NOS1AP: variants seen among roughly 807,000 people sequenced by gnomAD.
The protein encoded by NOS1AP is nitric oxide synthase 1 adaptor protein, also known as carboxyl-terminal PDZ ligand of neuronal nitric oxide synthase protein.
Under a neutral mutation model 56.2 loss-of-function variants are expected in NOS1AP, and 21 were observed. The observed-to-expected ratio is 0.37, with a 90% CI of 0.26 to 0.54. The LOEUF (loss-of-function observed/expected upper bound fraction) is 0.54. Among genes scored for constraint, NOS1AP ranks in the 20% least tolerant of loss-of-function variants. NOS1AP has a pLI of 0.84. For missense variants in NOS1AP, 522 were observed against 657.8 expected, an observed-to-expected ratio of 0.79 and a Z score of 2.26; for synonymous variants, 270 against 274.6, an observed-to-expected ratio of 0.98 and a Z score of 0.17.
chr1:162,101,210 T>C (rs1196895644), intron 1 of NOS1AP, among the ~76,000 whole-genome samples: 2 of 152,154 alleles, frequency 1.3e-5, no homozygotes, highest in Middle Eastern at 3.2e-3. Context: ...TCCCCATTGT[T>C]TGTTTTTGTC....
chr1:162,191,275 A>G (rs1651632067), intron 2 of NOS1AP, among the ~76,000 whole-genome samples: 1 of 151,982 alleles, frequency 6.6e-6, no homozygotes, highest in Non-Finnish European at 1.5e-5. Context: ...GACAGGCACT[A>G]CTCTGAGGAT....
intron 2 of NOS1AP, among the ~76,000 whole-genome samples, chr1:162,267,140 T>C (rs562612392): frequency 6.6e-6 from 1 of 152,228 alleles, no homozygotes; most frequent in Non-Finnish European, 1.5e-5. Context: ...AAGAGAACCA[T>C]GTATGGTAGG....
At chr1:162,337,519 C>A (rs917100204) in intron 5 of NOS1AP, among the ~76,000 whole-genome samples, 1 of 151,730 alleles carries the variant, frequency 6.6e-6, no homozygotes, top group Non-Finnish European at 1.5e-5. Context: ...AGTCAAAATG[C>A]AGGAATCATG....
chr1:162,292,583 T>G (rs1477524104), intron 3 of NOS1AP, among the ~76,000 whole-genome samples: 2 of 152,204 alleles, frequency 1.3e-5, no homozygotes, highest in Non-Finnish European at 2.9e-5. Flanking sequence ...AACCTTGTCT[T>G]ACTTAAATCC....
chr1:162,327,303 C>T (rs1398031158), intron 4 of NOS1AP, among the ~76,000 whole-genome samples: 1 of 152,124 alleles, frequency 6.6e-6, no homozygotes, highest in Admixed American at 6.5e-5. Flanking sequence ...TTCCTCACTA[C>T]CATGTGTCCA....
intron 1 of NOS1AP, among the ~76,000 whole-genome samples, chr1:162,102,053 C>T (rs567538842): frequency 6.6e-6 from 1 of 152,200 alleles, no homozygotes; most frequent in South Asian, 2.1e-4. Flanking sequence ...CTAGCTTTTG[C>T]CATTCAATAT....
At chr1:162,158,698 C>T (rs1202383115) in intron 2 of NOS1AP, among the ~76,000 whole-genome samples, 1 of 152,190 alleles carries the variant, frequency 6.6e-6, no homozygotes, top group Non-Finnish European at 1.5e-5. Flanking sequence ...CTGGTACTTT[C>T]CCCCTCTCTG....
Position 162,365,713 on chromosome 1 carries a change from C to T in NOS1AP, c.1105+144C>T, listed in dbSNP as rs574518010. On this transcript the variant is annotated intron_variant, in intron 9 of 9. Coordinates refer to ENST00000361897, the MANE Select transcript of NOS1AP (RefSeq NM_014697.3). ...GAAAACATAGGCAGCTTTGTTTTCC[C>T]ATTAGTATACTTAATGAATTACAGA... 1.9e-3 allele frequency: 1,792 copies of T among 965,814 alleles called. 3 individuals are homozygous for T. The highest frequency in any genetic ancestry group is 2.6e-3 in the Non-Finnish European group (1,625 of 631,012). The allele number at this position is 965,814 out of a possible 1,614,324, so 59.8% of individuals were successfully genotyped here.
intron 3 of NOS1AP, among the ~76,000 whole-genome samples, chr1:162,294,753 G>A (rs917112539): frequency 2.0e-5 from 3 of 152,168 alleles, no homozygotes; most frequent in African/African-American, 7.2e-5. Context: ...CTTAGCAGAC[G>A]CGGAGGGCAC....
chr1:162,216,545 C>T (rs1652573293), intron 2 of NOS1AP, among the ~76,000 whole-genome samples: 2 of 152,168 alleles, frequency 1.3e-5, no homozygotes, highest in Admixed American at 6.5e-5. Flanking sequence ...CTGCTATGTA[C>T]TTTAGGCAAG....
intron 2 of NOS1AP, among the ~76,000 whole-genome samples, chr1:162,193,645 G>A (rs756598911): frequency 2.0e-5 from 3 of 152,128 alleles, no homozygotes; most frequent in Non-Finnish European, 4.4e-5. Flanking sequence ...GTTTCCATCT[G>A]TATTTAGTTG....
intron 3 of NOS1AP, among the ~76,000 whole-genome samples, chr1:162,298,953 A>G (rs897800327): frequency 1.3e-5 from 2 of 152,240 alleles, no homozygotes; most frequent in African/African-American, 4.8e-5. Context: ...CGTTAAATTA[A>G]AAGTGCAGGT....
chr1:162,180,975 A>G lies in NOS1AP; in HGVS notation c.177+26499A>G, dbSNP rs141219154. ...CATCCTCCCCTTAACAGCAGCATCT[A>G]TTCTCAGCTATCCTCAAGGTCTATC... is the stretch of plus-strand genomic sequence containing the variant. On this transcript the variant is annotated intron_variant, in intron 2 of 9. Coordinates refer to ENST00000361897, the MANE Select transcript of NOS1AP (RefSeq NM_014697.3). 7.9e-4 allele frequency among the ~76,000 whole-genome samples: 121 copies of G among 152,366 alleles called. 1 individual carries two copies. The highest frequency in any genetic ancestry group is 2.5e-3 in the African/African-American group (103 of 41,594).
intron 3 of NOS1AP, among the ~76,000 whole-genome samples, chr1:162,298,917 C>T (rs1332365484): frequency 1.5e-4 from 23 of 152,206 alleles, no homozygotes; most frequent in Admixed American, 1.5e-3. Context: ...AGATGGACTC[C>T]ACACCTTCAT....
chr1:162,100,849 T>G (rs1337428250), intron 1 of NOS1AP, among the ~76,000 whole-genome samples: 1 of 152,194 alleles, frequency 6.6e-6, no homozygotes, highest in Non-Finnish European at 1.5e-5. Flanking sequence ...CTTTGTCAGA[T>G]GAATAGATTG....
intron 1 of NOS1AP, among the ~76,000 whole-genome samples, chr1:162,111,681 T>C (rs7525891): frequency 0.065 from 9,925 of 152,248 alleles, 473 homozygotes; most frequent in African/African-American, 0.14. Context: ...GAGGCTTTCC[T>C]GAAGGATGAC....
At chr1:162,208,894 A>G (rs1652252989) in intron 2 of NOS1AP, among the ~76,000 whole-genome samples, 1 of 152,238 alleles carries the variant, frequency 6.6e-6, no homozygotes, top group Non-Finnish European at 1.5e-5. Flanking sequence ...TGGGGAGAAC[A>G]GAAAATTTGA....
chr1:162,331,429 AG>A (rs1656762411), intron 4 of NOS1AP, among the ~76,000 whole-genome samples: 1 of 152,168 alleles, frequency 6.6e-6, no homozygotes, highest in Non-Finnish European at 1.5e-5. Context: ...TATATCAGTA[AG>A]GGGATGTAAG....
At chr1:162,181,606 G>A (rs1174921022) in intron 2 of NOS1AP, among the ~76,000 whole-genome samples, 2 of 152,092 alleles carry the variant, frequency 1.3e-5, no homozygotes, top group African/African-American at 4.8e-5. Flanking sequence ...AGTACCAGCT[G>A]CCCCCTGGAT....
Sources: allele counts gnomAD v4.1 joint callset (sites outside exome capture counted in the v4.1 genomes callset), GRCh38; gene constraint gnomAD v4.1.1; transcripts MANE v1.5; gene names NCBI Gene and HGNC (gene_info 2026-07-23, HGNC 2026-07-21).